Variants in MPP7 observed in about 807,000 individuals in gnomAD.
MPP7 encodes MAGUK p55 scaffold protein 7.
MPP7 carries 60 observed loss-of-function variants against 76.5 expected under a neutral mutation model. That is an observed-to-expected ratio of 0.78 (90% CI 0.64 to 0.97). MPP7 has a LOEUF of 0.97. Ranked by LOEUF, MPP7 falls within the 50% of genes least tolerant of loss-of-function variation. MPP7 has a pLI of 0.00. For missense variants in MPP7, 641 were observed against 694.0 expected (o/e 0.92, Z 0.86); for synonymous variants, 237 against 244.5 (o/e 0.97, Z 0.29).
chr10:28,270,534 G>GA (rs1167202878), intron 1 of MPP7, among the ~76,000 whole-genome samples: 2 of 113,382 alleles, frequency 1.8e-5, no homozygotes, highest in African/African-American at 3.5e-5. Context: ...AAAAAAAAAG[G>GA]GGGGGGGGGA....
intron 3 of MPP7, among the ~76,000 whole-genome samples, chr10:28,170,825 A>G (rs1836655943): frequency 6.6e-6 from 1 of 152,108 alleles, no homozygotes; most frequent in Non-Finnish European, 1.5e-5. Context: ...TTCATAGCTC[A>G]TCTCTGCAAC....
At chr10:28,214,488 C>T (rs1046709136) in intron 2 of MPP7, among the ~76,000 whole-genome samples, 10 of 152,236 alleles carry the variant, frequency 6.6e-5, no homozygotes, top group Non-Finnish European at 4.4e-5. Flanking sequence ...CAAGTCCCCT[C>T]CACACTTCAA....
intron 1 of MPP7, among the ~76,000 whole-genome samples, chr10:28,241,783 C>T (rs1391701351): frequency 6.6e-6 from 1 of 152,126 alleles, no homozygotes; most frequent in East Asian, 1.9e-4. Context: ...CCCAATAGAA[C>T]GATTACAACC....
At position 28,208,188 on chromosome 10, in the gene MPP7, G is replaced by C. The variant is rs546497669; in HGVS notation, c.38-5917C>G. Among the ~76,000 whole-genome samples the C allele has an allele frequency of 2.6e-5, 4 of 152,118 alleles. No individual in the cohort carries two copies. The East Asian group carries it at 7.8e-4, about 29-fold the overall frequency. On this transcript the variant is annotated intron_variant, in intron 2 of 16. Transcript: ENST00000683449. ...TGTGTTTGCAGCTCACAAGATGGTTGGGTTCCTTGGGCCAAAGATTCTCCA... is the reference window on the plus strand; with the variant it reads ...TGTGTTTGCAGCTCACAAGATGGTTCGGTTCCTTGGGCCAAAGATTCTCCA...
intron 11 of MPP7, among the ~76,000 whole-genome samples, chr10:28,099,632 C>A (rs1425829573): frequency 1.3e-5 from 2 of 152,024 alleles, no homozygotes; most frequent in African/African-American, 4.8e-5. Context: ...TGGAGAAACC[C>A]CGTCTCTACT....
At chr10:28,070,025 G>A (rs561800920) in intron 12 of MPP7, among the ~76,000 whole-genome samples, 173 bp from the exon 13 acceptor site, 1 of 152,206 alleles carries the variant, frequency 6.6e-6, no homozygotes, top group Non-Finnish European at 1.5e-5. Flanking sequence ...TTCTTTTGTT[G>A]CTTTTTTACT....
At chr10:28,292,881 C>T (rs1001484555) in intron 1 of MPP7, among the ~76,000 whole-genome samples, 8 of 151,876 alleles carry the variant, frequency 5.3e-5, no homozygotes, top group African/African-American at 1.7e-4. Context: ...TGCATATATA[C>T]GAGTGTGTGG....
intron 11 of MPP7, among the ~76,000 whole-genome samples, chr10:28,098,740 T>C (rs907441001): frequency 2.0e-5 from 3 of 151,936 alleles, no homozygotes; most frequent in East Asian, 3.8e-4. Flanking sequence ...ATTATGGTAA[T>C]AGACCAAATT....
At chr10:28,301,757 T>C (rs77507675) in intron 1 of MPP7, among the ~76,000 whole-genome samples, 3,961 of 152,256 alleles carry the variant, frequency 0.026, 182 homozygotes, top group African/African-American at 0.09. Flanking sequence ...TGCTATGAGC[T>C]TCACGATTAA....
chr10:28,112,671 G>T (rs1834541590), intron 11 of MPP7, among the ~76,000 whole-genome samples: 1 of 152,114 alleles, frequency 6.6e-6, no homozygotes. Flanking sequence ...GACTTAGCAA[G>T]TTTGAACAAA....
At chr10:28,108,749 G>A (rs1834405408) in intron 11 of MPP7, among the ~76,000 whole-genome samples, 1 of 152,126 alleles carries the variant, frequency 6.6e-6, no homozygotes, top group Non-Finnish European at 1.5e-5. Flanking sequence ...TAGAGAGTTT[G>A]TCATGATGCC....
At chr10:28,134,849 C>T (rs1312179750) in intron 5 of MPP7, among the ~76,000 whole-genome samples, 1 of 152,074 alleles carries the variant, frequency 6.6e-6, no homozygotes, top group Non-Finnish European at 1.5e-5. Flanking sequence ...TGATTAACAG[C>T]AGCAGTAGAC....
intron 1 of MPP7, among the ~76,000 whole-genome samples, chr10:28,293,674 G>A (rs1462040116): frequency 1.3e-5 from 2 of 152,220 alleles, no homozygotes; most frequent in Admixed American, 6.5e-5. Flanking sequence ...TGGGGAGGGA[G>A]CGGAGCGGGG....
chr10:28,104,431 T>C (rs963793916), intron 11 of MPP7, among the ~76,000 whole-genome samples: 1 of 152,232 alleles, frequency 6.6e-6, no homozygotes, highest in Non-Finnish European at 1.5e-5. Flanking sequence ...TAGAATAGTT[T>C]TGCCATTTAT....
intron 2 of MPP7, among the ~76,000 whole-genome samples, chr10:28,208,504 A>G (rs534272004): frequency 1.3e-5 from 2 of 152,316 alleles, no homozygotes; most frequent in African/African-American, 2.4e-5. Flanking sequence ...GAGTCTGCCC[A>G]TGGGCGTGTC....
intron 3 of MPP7, among the ~76,000 whole-genome samples, chr10:28,162,159 A>G (rs886611277): frequency 6.6e-6 from 1 of 152,236 alleles, no homozygotes; most frequent in African/African-American, 2.4e-5. Flanking sequence ...GAAGAAGCAA[A>G]GGAAACACTG....
chr10:28,147,410 A>C (rs1299852390), intron 5 of MPP7, 73 bp downstream of exon 5: 55 of 1,220,424 alleles, frequency 4.5e-5, no homozygotes, highest in Non-Finnish European at 6.2e-5. Flanking sequence ...TGATGCTCGA[A>C]ACAAAATTCA....
chr10:28,289,115 A>G (rs141470355), intron 1 of MPP7: 5 of 152,094 alleles, frequency 3.3e-5, no homozygotes, highest in African/African-American at 1.2e-4. Context: ...GCCTGGCCAA[A>G]ATGGTGAAAC....
intron 1 of MPP7, among the ~76,000 whole-genome samples, chr10:28,242,045 C>T (rs1215817880): frequency 2.0e-5 from 3 of 152,112 alleles, no homozygotes; most frequent in African/African-American, 7.2e-5. Flanking sequence ...ATAATTAATT[C>T]CATAGTCTGC....
Sources: gnomAD v4.1 joint callset for allele counts (sites outside exome capture counted in the v4.1 genomes callset) on GRCh38, gnomAD v4.1.1 for gene constraint, MANE v1.5 for transcripts, NCBI Gene and HGNC (gene_info 2026-07-23, HGNC 2026-07-21) for gene names.